Variants in FAF1 observed in about 807,000 individuals in gnomAD.
FAF1 encodes Fas associated factor 1, also known as FAS-associated factor 1.
FAF1 carries 25 observed loss-of-function variants against 92.5 expected under a neutral mutation model. That is an observed-to-expected ratio of 0.27 (90% CI 0.20 to 0.38). FAF1 has a LOEUF of 0.38. FAF1 is among the 10% of genes least tolerant of loss of function. FAF1 has a pLI of 1.00. For synonymous variants in FAF1, 234 were observed against 273.2 expected (o/e 0.86, Z 1.42); for missense variants, 636 against 793.3 (o/e 0.80, Z 2.38).
chr1:50,618,733 A>G (rs925156608), intron 8 of FAF1, among the ~76,000 whole-genome samples: 12 of 151,610 alleles, frequency 7.9e-5, no homozygotes, highest in African/African-American at 2.9e-4. Flanking sequence ...TTTATCGAAT[A>G]TAAGAATAGC....
intron 6 of FAF1, among the ~76,000 whole-genome samples, chr1:50,730,308 TTAA>T (rs1212165635): frequency 6.6e-6 from 1 of 152,066 alleles, no homozygotes; most frequent in African/African-American, 2.4e-5. Flanking sequence ...TTAGTATTAT[TTAA>T]TAATTATCTT....
chr1:50,842,038 T>C (rs1644260521), intron 2 of FAF1, among the ~76,000 whole-genome samples: 3 of 152,118 alleles, frequency 2.0e-5, no homozygotes, highest in African/African-American at 7.2e-5. Context: ...TGCAAGGGCC[T>C]CATTATACTT....
chr1:50,725,694 GATCC>G (rs1241195508), intron 6 of FAF1, among the ~76,000 whole-genome samples: 1 of 152,042 alleles, frequency 6.6e-6, no homozygotes, highest in African/African-American at 2.4e-5. Flanking sequence ...GACCTCAAAT[GATCC>G]ACCCTCCTCC....
chr1:50,693,016 T>C (rs1569778905), intron 7 of FAF1, among the ~76,000 whole-genome samples: 1 of 152,238 alleles, frequency 6.6e-6, no homozygotes, highest in East Asian at 1.9e-4. Context: ...TTCTTTAAAT[T>C]GTCATGTCAT....
At position 50,455,876 on chromosome 1, in the gene FAF1, C is replaced by G. The variant is rs1646345948; in HGVS notation, c.1870-14353G>C. Among the ~76,000 whole-genome samples the G allele has an allele frequency of 2.0e-5, 3 of 151,942 alleles. No homozygotes were observed. The South Asian group carries it at 6.2e-4, about 32-fold the overall frequency. On this transcript the variant is annotated intron_variant, in intron 18 of 18. Transcript: ENST00000396153. ...TCACTTGAGGTCAGGAGTTCGAGAC[C>G]AGCCAGGCCAACATGGTGAAACCCT...
intron 1 of FAF1, among the ~76,000 whole-genome samples, chr1:50,872,004 G>T (rs973234111): frequency 2.7e-5 from 4 of 149,114 alleles, no homozygotes; most frequent in Non-Finnish European, 5.9e-5. Context: ...GGCGGAGGTT[G>T]CAGTGAGCCG....
intron 1 of FAF1, among the ~76,000 whole-genome samples, chr1:50,871,158 G>A (rs1045360775): frequency 2.0e-5 from 3 of 152,198 alleles, no homozygotes; most frequent in Non-Finnish European, 4.4e-5. Context: ...CTACGACACA[G>A]GTGAGGACAC....
At position 50,959,860 on chromosome 1, in the gene FAF1, G is replaced by A. The variant is rs755196884; in HGVS notation, c.-49C>T. 10 of 1,451,306 alleles carry A rather than the reference G, an allele frequency of 6.9e-6. No individual in the cohort carries two copies. Among genetic ancestry groups the A allele is most frequent in the African/African-American group, 5.8e-5 (4 of 68,390 alleles). 89.9% of individuals were successfully genotyped at this position (1,451,306 alleles called of 1,614,324 possible). ...CCGGGAGCGAAGCGCGCACCTGGGA[G>A]GCAGACGGCACCTCCTGCGACCGTC... On this transcript the variant is annotated 5_prime_UTR_variant, in exon 1 of 19. Transcript: ENST00000396153.
At chr1:50,916,890 A>T (rs1434510436) in intron 1 of FAF1, among the ~76,000 whole-genome samples, 1 of 152,224 alleles carries the variant, frequency 6.6e-6, no homozygotes, top group Non-Finnish European at 1.5e-5. Context: ...CAGATAGATC[A>T]AAGGAAATTA....
chr1:50,554,330 C>T (rs1283299337), intron 13 of FAF1, among the ~76,000 whole-genome samples: 6 of 146,988 alleles, frequency 4.1e-5, no homozygotes, highest in African/African-American at 1.5e-4. Flanking sequence ...TTGCTATTTA[C>T]CCTGCAGAAT....
chr1:50,655,119 G>A (rs762040387), intron 8 of FAF1, among the ~76,000 whole-genome samples: 3 of 151,504 alleles, frequency 2.0e-5, no homozygotes, highest in Non-Finnish European at 4.4e-5. Context: ...AGAGGCGGCC[G>A]CCAAGTGATT....
chr1:50,520,658 G>C (rs1647452178), intron 15 of FAF1, among the ~76,000 whole-genome samples: 9 of 152,022 alleles, frequency 5.9e-5, no homozygotes, highest in Admixed American at 5.9e-4. Flanking sequence ...ACTAGCCTGG[G>C]CAACATGATG....
intron 18 of FAF1, among the ~76,000 whole-genome samples, chr1:50,475,099 T>G (rs1646622572): frequency 6.6e-6 from 1 of 152,240 alleles, no homozygotes; most frequent in Admixed American, 6.5e-5. Context: ...TTGACCCTGA[T>G]ATCTAACTGT....
intron 1 of FAF1, among the ~76,000 whole-genome samples, chr1:50,896,226 G>A (rs553050641): frequency 7.2e-5 from 11 of 152,192 alleles, no homozygotes; most frequent in South Asian, 2.1e-4. Context: ...TTGAGGCTGC[G>A]GTGAGCCATG....
rs539546197 is a variant in FAF1 at position 50,440,158 on chromosome 1, C to A, written c.*1282G>T. The A allele has an allele frequency of 6.6e-6, 1 of 152,228 alleles. No individual in the cohort carries two copies. The highest frequency in any genetic ancestry group is 6.5e-5 in the Admixed American group (1 of 15,298). 9.4% of individuals were successfully genotyped at this position (152,228 alleles called of 1,614,324 possible). ...GGATCCCAACCCCTAGGATAAAACC[C>A]ACAGGTGACACAAAAACAGATATGG... On this transcript the variant is annotated 3_prime_UTR_variant, in exon 19 of 19. Transcript: ENST00000396153.
At chr1:50,621,391 CTTTTTTTTTTT>C (rs36053834) in intron 8 of FAF1, among the ~76,000 whole-genome samples, 1,215 of 89,266 alleles carry the variant, frequency 0.014, 23 homozygotes, top group African/African-American at 0.053. Flanking sequence ...TTCTTTTTTT[CTTTTTTTTTTT>C]TTTTTTTTTT....
chr1:50,582,178 C>T (rs1039362238), intron 12 of FAF1, among the ~76,000 whole-genome samples: 3 of 152,084 alleles, frequency 2.0e-5, no homozygotes, highest in African/African-American at 4.8e-5. Context: ...ATTTGCGTAA[C>T]TGAAAAGAAT....
chr1:50,646,987 A>C lies in FAF1; in HGVS notation c.744+8455T>G, dbSNP rs117253261. Among the ~76,000 whole-genome samples, 123 of 152,290 alleles carry C rather than the reference A, an allele frequency of 8.1e-4. 2 individuals are homozygous for C. The East Asian group carries it at 0.017, about 21-fold the overall frequency. ...CAGCCTCCTGAGTGTCTGGGATCACATGTGTGAGCCACCACGCCCAGCTAA... is the reference window on the plus strand; with the variant it reads ...CAGCCTCCTGAGTGTCTGGGATCACCTGTGTGAGCCACCACGCCCAGCTAA... On this transcript the variant is annotated intron_variant, in intron 8 of 18. Coordinates refer to ENST00000396153, the MANE Select transcript of FAF1 (RefSeq NM_007051.3).
intron 1 of FAF1, among the ~76,000 whole-genome samples, chr1:50,890,239 T>G (rs1188686495): frequency 6.6e-6 from 1 of 152,236 alleles, no homozygotes; most frequent in Non-Finnish European, 1.5e-5. Flanking sequence ...TCCCTTTATT[T>G]TGACCCTATG....
Sources: gnomAD v4.1 joint callset for allele counts (sites outside exome capture counted in the v4.1 genomes callset) on GRCh38, gnomAD v4.1.1 for gene constraint, MANE v1.5 for transcripts, NCBI Gene and HGNC (gene_info 2026-07-23, HGNC 2026-07-21) for gene names.